The following SYT1 variants were observed in gnomAD, a reference collection of about 807,000 sequenced individuals.
The protein encoded by SYT1 is synaptotagmin-1.
In SYT1, 8 loss-of-function variants were observed where a neutral mutation model predicts 44.8. The observed-to-expected ratio is 0.18, with a 90% confidence interval of 0.10 to 0.32. The LOEUF is 0.32. Among genes scored for constraint, SYT1 ranks in the 10% least tolerant of loss-of-function variants. SYT1 has a pLI of 1.00. For synonymous variants in SYT1, 154 were observed against 188.8 expected (o/e 0.82, Z 1.51); for missense variants, 286 against 509.3 (o/e 0.56, Z 4.22).
At chr12:78,996,158 T>C (rs758214183) in intron 2 of SYT1, among the ~76,000 whole-genome samples, 14 of 152,218 alleles carry the variant, frequency 9.2e-5, no homozygotes, top group Non-Finnish European at 2.9e-5. Flanking sequence ...GGTTGAAAGA[T>C]CTCTGTCAGC....
chr12:79,058,234 G>A (rs750741790), intron 3 of SYT1, among the ~76,000 whole-genome samples: 5 of 151,866 alleles, frequency 3.3e-5, no homozygotes, highest in South Asian at 2.1e-4. Flanking sequence ...GATATTTATC[G>A]ACAGTGGCCA....
chr12:79,406,696 A>G (rs1035518607), intron 9 of SYT1, among the ~76,000 whole-genome samples: 2 of 152,128 alleles, frequency 1.3e-5, no homozygotes, highest in South Asian at 2.1e-4. Flanking sequence ...TTTGAATACC[A>G]GTTCTGCTAC....
intron 3 of SYT1, among the ~76,000 whole-genome samples, chr12:79,071,860 C>A (rs951538798): frequency 6.6e-6 from 1 of 152,120 alleles, no homozygotes; most frequent in African/African-American, 2.4e-5. Flanking sequence ...TCTGCAAAGA[C>A]CCTATTTCCA....
chr12:79,027,322 T>C (rs923112309), intron 2 of SYT1, among the ~76,000 whole-genome samples: 9 of 151,686 alleles, frequency 5.9e-5, no homozygotes, highest in African/African-American at 1.7e-4. Context: ...GCCTATATTT[T>C]TCTTCATAGC....
intron 9 of SYT1, among the ~76,000 whole-genome samples, chr12:79,404,836 AAGG>A (rs1222431810): frequency 6.6e-6 from 1 of 152,194 alleles, no homozygotes; most frequent in African/African-American, 2.4e-5. Flanking sequence ...AAAGATTGTC[AAGG>A]AGCATATTTG....
chr12:79,428,473 C>T (rs1869578283), intron 9 of SYT1, among the ~76,000 whole-genome samples: 1 of 152,204 alleles, frequency 6.6e-6, no homozygotes, highest in South Asian at 2.1e-4. Context: ...AAGCATGCAC[C>T]ATCTGAAGAC....
chr12:78,981,462 A>G (rs1869257619), intron 2 of SYT1, among the ~76,000 whole-genome samples: 1 of 152,174 alleles, frequency 6.6e-6, no homozygotes, highest in Non-Finnish European at 1.5e-5. Flanking sequence ...CTATGTTGTT[A>G]CATATCCATT....
intron 3 of SYT1, among the ~76,000 whole-genome samples, chr12:79,085,069 A>C (rs1211159780): frequency 6.6e-6 from 1 of 152,094 alleles, no homozygotes; most frequent in Non-Finnish European, 1.5e-5. Flanking sequence ...GTATGAAGCA[A>C]AGTTTGTGTA....
intron 3 of SYT1, among the ~76,000 whole-genome samples, chr12:79,082,189 T>A (rs1042326182): frequency 1.3e-5 from 2 of 152,182 alleles, no homozygotes; most frequent in Non-Finnish European, 2.9e-5. Context: ...TAGCCTTTTT[T>A]CAGAGTTTTG....
chr12:79,189,053 T>A (rs1431872461), intron 3 of SYT1, among the ~76,000 whole-genome samples: 4 of 152,120 alleles, frequency 2.6e-5, no homozygotes, highest in African/African-American at 9.7e-5. Flanking sequence ...AATGTTCTAA[T>A]TTTTAGCACA....
chr12:79,400,839 G>A (rs1182066146), intron 9 of SYT1, among the ~76,000 whole-genome samples: 1 of 152,058 alleles, frequency 6.6e-6, no homozygotes, highest in Non-Finnish European at 1.5e-5. Context: ...GTCCATCCAT[G>A]AACTAAAAGA....
intron 3 of SYT1, among the ~76,000 whole-genome samples, chr12:79,145,890 T>G (rs1238496120): frequency 2.6e-5 from 4 of 151,040 alleles, no homozygotes; most frequent in Non-Finnish European, 4.4e-5. Flanking sequence ...CCCAAGTAGC[T>G]GGGACTACAG....
chr12:79,407,575 G>A (rs183682494), intron 9 of SYT1, among the ~76,000 whole-genome samples: 12 of 152,166 alleles, frequency 7.9e-5, no homozygotes, highest in Admixed American at 2.0e-4. Context: ...TCTTAGAAAT[G>A]CAAATACTAA....
intron 9 of SYT1, chr12:79,394,001 C>T (rs1348002131): frequency 6.6e-6 from 1 of 152,208 alleles, no homozygotes; most frequent in African/African-American, 2.4e-5. Context: ...TGTGCTGTTC[C>T]CTCCTGGGAC....
intron 2 of SYT1, among the ~76,000 whole-genome samples, chr12:79,040,368 G>C (rs1873463547): frequency 1.3e-5 from 2 of 152,154 alleles, no homozygotes; most frequent in African/African-American, 2.4e-5. Flanking sequence ...TTTCTCTGAT[G>C]GCCAGTGATG....
chr12:79,195,298 T>C (rs1007336106), intron 3 of SYT1, among the ~76,000 whole-genome samples: 24 of 152,200 alleles, frequency 1.6e-4, no homozygotes, highest in Non-Finnish European at 1.0e-4. Flanking sequence ...CCTATATTTG[T>C]CCATCATCTG....
chr12:79,419,685 T>C (rs937426795), intron 9 of SYT1, among the ~76,000 whole-genome samples: 12 of 152,164 alleles, frequency 7.9e-5, no homozygotes, highest in Non-Finnish European at 1.6e-4. Context: ...AAGACTCTTG[T>C]ACCTATCACA....
intron 10 of SYT1, among the ~76,000 whole-genome samples, chr12:79,446,768 C>A (rs1324295853): frequency 6.6e-6 from 1 of 152,142 alleles, no homozygotes; most frequent in African/African-American, 2.4e-5. Flanking sequence ...ACCAGCGGGC[C>A]CCCTGCTTTG....
chr12:78,872,505 T>C (rs1416412081), intron 1 of SYT1, among the ~76,000 whole-genome samples: 4 of 151,826 alleles, frequency 2.6e-5, no homozygotes, highest in Non-Finnish European at 5.9e-5. Context: ...TAGGAAAGAT[T>C]TGTTCAGTTC....
Sources: allele counts gnomAD v4.1 joint callset (sites outside exome capture counted in the v4.1 genomes callset), GRCh38; gene constraint gnomAD v4.1.1; transcripts MANE v1.5; gene names NCBI Gene and HGNC (gene_info 2026-07-23, HGNC 2026-07-21).